ETFA: variants seen among roughly 807,000 people sequenced by gnomAD.
The protein encoded by ETFA is electron transfer flavoprotein subunit alpha, mitochondrial.
ETFA carries 22 observed loss-of-function variants against 46.2 expected under a neutral mutation model. The observed-to-expected ratio is 0.48, with a 90% CI of 0.34 to 0.68. The LOEUF (loss-of-function observed/expected upper bound fraction) is 0.68. ETFA is among the 30% of genes least tolerant of loss of function. ETFA has a pLI of 0.01. For missense variants in ETFA, 345 were observed against 401.1 expected (o/e 0.86, Z 1.19); for synonymous variants, 131 against 139.9 (o/e 0.94, Z 0.45).
chr15:76,303,322 C>G (rs1230145582), intron 1 of ETFA, among the ~76,000 whole-genome samples: 3 of 151,838 alleles, frequency 2.0e-5, no homozygotes, highest in South Asian at 4.2e-4. Context: ...AACAAACAAA[C>G]AAAAAATGAT....
intron 1 of ETFA, among the ~76,000 whole-genome samples, chr15:76,296,951 G>T (rs1435394163): frequency 6.6e-6 from 1 of 152,158 alleles, no homozygotes; most frequent in Non-Finnish European, 1.5e-5. Context: ...CATGTGAAAA[G>T]ATGAGGAATG....
intron 9 of ETFA, among the ~76,000 whole-genome samples, chr15:76,272,805 A>AATATATATATATAT (rs1379336424): frequency 1.3e-5 from 1 of 78,486 alleles, no homozygotes; most frequent in Non-Finnish European, 3.0e-5. Context: ...TGTCTCTTAA[A>AATATATATATATAT]ATATATACAT....
chr15:76,229,339 T>A (rs1250983076), intron 10 of ETFA, among the ~76,000 whole-genome samples: 1 of 152,224 alleles, frequency 6.6e-6, no homozygotes, highest in African/African-American at 2.4e-5. Flanking sequence ...ATGGTCTTAA[T>A]AAACATCTGT....
At chr15:76,231,691 A>G (rs1180738640) in intron 9 of ETFA, among the ~76,000 whole-genome samples, 2 of 152,186 alleles carry the variant, frequency 1.3e-5, no homozygotes, top group South Asian at 2.1e-4. Context: ...AAGTGTCTCA[A>G]TCTCACAATT....
intron 8 of ETFA, among the ~76,000 whole-genome samples, chr15:76,276,977 A>G (rs986784575): frequency 3.3e-5 from 5 of 152,146 alleles, no homozygotes; most frequent in African/African-American, 1.2e-4. Context: ...ACCTTTTAGT[A>G]TATCTTGCAA....
At chr15:76,260,658 G>A in intron 9 of ETFA, 1 of 1,566,174 alleles carries the variant, frequency 6.4e-7, no homozygotes, top group East Asian at 2.3e-5. Context: ...GCCTTCCAAA[G>A]GGCCCTCGGG....
chr15:76,262,873 G>A (rs138725809), intron 9 of ETFA, among the ~76,000 whole-genome samples: 8 of 152,238 alleles, frequency 5.3e-5, no homozygotes, highest in African/African-American at 1.9e-4. Flanking sequence ...AATAATGGCT[G>A]AGCTCTCATT....
At chr15:76,275,571 T>C (rs938990305) in intron 8 of ETFA, among the ~76,000 whole-genome samples, 4 of 152,218 alleles carry the variant, frequency 2.6e-5, no homozygotes, top group Admixed American at 1.3e-4. Context: ...TTATCTTTAA[T>C]TGGTGCATTT....
intron 9 of ETFA, among the ~76,000 whole-genome samples, chr15:76,252,577 G>A (rs2039308790): frequency 6.6e-6 from 1 of 152,174 alleles, no homozygotes; most frequent in African/African-American, 2.4e-5. Context: ...GACTAAATAA[G>A]AACCAAGAAC....
At chr15:76,242,672 A>G (rs571157145) in intron 9 of ETFA, among the ~76,000 whole-genome samples, 1 of 152,376 alleles carries the variant, frequency 6.6e-6, no homozygotes, top group African/African-American at 2.4e-5. Flanking sequence ...AGATGAATGG[A>G]TAAGCAAAAT....
chr15:76,238,023 A>G (rs1424748160), intron 9 of ETFA, among the ~76,000 whole-genome samples: 2 of 152,228 alleles, frequency 1.3e-5, no homozygotes, highest in African/African-American at 4.8e-5. Context: ...GCAAGGATAC[A>G]TATCCCAGAT....
intron 8 of ETFA, among the ~76,000 whole-genome samples, chr15:76,279,473 T>C (rs185703025): frequency 6.6e-6 from 1 of 152,192 alleles, no homozygotes; most frequent in Admixed American, 6.5e-5. Context: ...GACGGGGTTT[T>C]GCCGTGTTGC....
intron 2 of ETFA, among the ~76,000 whole-genome samples, chr15:76,293,203 T>G (rs1163158469): frequency 6.6e-6 from 1 of 152,206 alleles, no homozygotes; most frequent in African/African-American, 2.4e-5. Context: ...CCAATAGATC[T>G]TACTACTGAC....
In ETFA at chr15:76,286,595, T is replaced by TAATA. The variant is rs1205971814; in HGVS notation, c.452-115_452-114insTATT. Reference sequence around the variant, plus strand: ...AGGCAAGAAATAACTATTGACCAGTTGTCTTCTAACTCTATTAAGTATAGG... The same window carrying TAATA: ...AGGCAAGAAATAACTATTGACCAGTTAATAGTCTTCTAACTCTATTAAGTATAGG... On this transcript the variant is annotated intron_variant, in intron 5 of 11. Transcript: ENST00000557943. 2.7e-5 allele frequency: 20 copies of TAATA among 731,114 alleles called. No individual in the cohort carries two copies. The Middle Eastern group carries it at 9.4e-4, about 34-fold the overall frequency. 45.3% of individuals were successfully genotyped at this position (731,114 alleles called of 1,614,324 possible). A position where few individuals can be genotyped will look rare whatever the true frequency, so the allele number is the denominator to read the frequency against.
At chr15:76,268,501 T>C (rs764427770) in intron 9 of ETFA, among the ~76,000 whole-genome samples, 13 of 152,044 alleles carry the variant, frequency 8.6e-5, no homozygotes, top group South Asian at 2.1e-4. Flanking sequence ...ACTGCTGGAG[T>C]GCCAGGATTT....
At chr15:76,240,329 T>C (rs75830587) in intron 9 of ETFA, among the ~76,000 whole-genome samples, 4,985 of 152,322 alleles carry the variant, frequency 0.033, 120 homozygotes, top group Non-Finnish European at 0.051. Context: ...TCAAAGATTC[T>C]TTGAAATCTT....
At chr15:76,237,449 G>A (rs2039137494) in intron 9 of ETFA, among the ~76,000 whole-genome samples, 9 of 152,172 alleles carry the variant, frequency 5.9e-5, no homozygotes, top group Admixed American at 5.9e-4. Flanking sequence ...AGTTGAAAAT[G>A]AGGAGGTAAA....
chr15:76,254,914 A>G (rs556394006), intron 9 of ETFA, among the ~76,000 whole-genome samples: 89 of 152,336 alleles, frequency 5.8e-4, no homozygotes, highest in African/African-American at 1.5e-3. Context: ...TTGAAATACT[A>G]AAGGTTTCCT....
intron 11 of ETFA, among the ~76,000 whole-genome samples, chr15:76,225,209 A>G (rs1410462534): frequency 1.3e-5 from 2 of 152,194 alleles, no homozygotes; most frequent in Non-Finnish European, 2.9e-5. Flanking sequence ...ATATGATTCC[A>G]GGTTATAAAT....
Sources: gnomAD v4.1 joint callset for allele counts (sites outside exome capture counted in the v4.1 genomes callset) on GRCh38, gnomAD v4.1.1 for gene constraint, MANE v1.5 for transcripts, NCBI Gene and HGNC (gene_info 2026-07-23, HGNC 2026-07-21) for gene names.